LRMDA: variants seen among roughly 807,000 people sequenced by gnomAD.
LRMDA encodes the protein leucine-rich melanocyte differentiation-associated protein.
Under a neutral mutation model 29.8 loss-of-function variants are expected in LRMDA, and 18 were observed. That is an observed-to-expected ratio of 0.60 (90% confidence interval 0.42 to 0.90). The LOEUF is 0.90. Ranked by LOEUF, LRMDA falls within the 40% of genes least tolerant of loss-of-function variation. The pLI is 0.00. For synonymous variants in LRMDA, 125 were observed against 109.4 expected, an observed-to-expected ratio of 1.14 and a Z score of -0.89; for missense variants, 273 against 273.9, an observed-to-expected ratio of 1.00 and a Z score of 0.02.
chr10:76,365,107 T>TATATATATATATATATACATACACAC (rs141131236), intron 6 of LRMDA, among the ~76,000 whole-genome samples: 1 of 61,202 alleles, frequency 1.6e-5, no homozygotes, highest in African/African-American at 4.7e-5. Flanking sequence ...TATATATATA[T>TATATATATATATATATACATACACAC]ACACACACAC....
intron 2 of LRMDA, among the ~76,000 whole-genome samples, chr10:75,478,188 C>A (rs1326908388): frequency 6.6e-6 from 1 of 152,190 alleles, no homozygotes; most frequent in African/African-American, 2.4e-5. Context: ...CAGCTCTCCC[C>A]CAAGATTACA....
intron 6 of LRMDA, among the ~76,000 whole-genome samples, chr10:76,481,902 C>T (rs955260501): frequency 2.6e-5 from 4 of 151,876 alleles, no homozygotes; most frequent in Admixed American, 6.6e-5. Context: ...CTCATTGACT[C>T]GCAAATGTGT....
At chr10:75,761,979 T>G (rs2132228277) in intron 2 of LRMDA, among the ~76,000 whole-genome samples, 1 of 152,176 alleles carries the variant, frequency 6.6e-6, no homozygotes, top group Admixed American at 6.5e-5. Context: ...TTTTAAATAC[T>G]TTTTGTAGAG....
intron 2 of LRMDA, among the ~76,000 whole-genome samples, chr10:75,484,661 G>C (rs1296114756): frequency 1.3e-5 from 2 of 152,142 alleles, no homozygotes; most frequent in Non-Finnish European, 2.9e-5. Flanking sequence ...AGGTCACAAG[G>C]GTGGGGCCTT....
At chr10:75,579,938 A>G (rs545358904) in intron 2 of LRMDA, among the ~76,000 whole-genome samples, 3 of 152,348 alleles carry the variant, frequency 2.0e-5, no homozygotes, top group Non-Finnish European at 2.9e-5. Context: ...AATAAGAGCT[A>G]TTTATGGCAA....
At chr10:76,144,336 C>A (rs1228295734) in intron 5 of LRMDA, among the ~76,000 whole-genome samples, 1 of 152,096 alleles carries the variant, frequency 6.6e-6, no homozygotes. Context: ...TTGGAATGTT[C>A]TTCCATTTGT....
intron 2 of LRMDA, among the ~76,000 whole-genome samples, chr10:75,842,667 G>A (rs1210228675): frequency 6.6e-6 from 1 of 152,126 alleles, no homozygotes; most frequent in Non-Finnish European, 1.5e-5. Context: ...CTTTCAGATG[G>A]GAGCGTGTTT....
At chr10:76,077,191 C>A (rs573694664) in intron 5 of LRMDA, among the ~76,000 whole-genome samples, 1 of 152,332 alleles carries the variant, frequency 6.6e-6, no homozygotes, top group South Asian at 2.1e-4. Context: ...ATGACATATT[C>A]ATGTCCTGGT....
At chr10:76,046,934 T>C (rs567863227) in intron 3 of LRMDA, among the ~76,000 whole-genome samples, 2 of 152,384 alleles carry the variant, frequency 1.3e-5, no homozygotes, top group East Asian at 3.8e-4. Flanking sequence ...TTATTCATTC[T>C]TCCTCAGATG....
At chr10:75,631,405 C>T (rs540159628) in intron 2 of LRMDA, among the ~76,000 whole-genome samples, 5 of 151,870 alleles carry the variant, frequency 3.3e-5, no homozygotes, top group African/African-American at 4.8e-5. Flanking sequence ...CTCACTGCAC[C>T]CCCCCCGCCC....
chr10:76,295,966 C>A (rs2579790), intron 5 of LRMDA, among the ~76,000 whole-genome samples: 77,370 of 151,964 alleles, frequency 0.51, 21,102 homozygotes, highest in Non-Finnish European at 0.63. Context: ...TCACATTTTC[C>A]TGTCTCTTAA....
At chr10:75,788,346 T>C (rs1041348091) in intron 2 of LRMDA, among the ~76,000 whole-genome samples, 3 of 152,272 alleles carry the variant, frequency 2.0e-5, no homozygotes, top group African/African-American at 7.2e-5. Flanking sequence ...CATCTTTAGC[T>C]GTGGCTTTCA....
chr10:76,301,017 C>T (rs900496818), intron 5 of LRMDA, among the ~76,000 whole-genome samples: 1 of 152,110 alleles, frequency 6.6e-6, no homozygotes, highest in Non-Finnish European at 1.5e-5. Flanking sequence ...TGCTTTTGGA[C>T]CAATCAAATT....
At chr10:75,964,854 A>C (rs532144908) in intron 2 of LRMDA, among the ~76,000 whole-genome samples, 1 of 152,166 alleles carries the variant, frequency 6.6e-6, no homozygotes, top group South Asian at 2.1e-4. Flanking sequence ...TGCAACCTCC[A>C]ACTCTCAGGT....
chr10:75,835,983 G>A (rs964956561), intron 2 of LRMDA, among the ~76,000 whole-genome samples: 2 of 152,108 alleles, frequency 1.3e-5, no homozygotes, highest in Non-Finnish European at 2.9e-5. Flanking sequence ...CAAACTCAAT[G>A]GAAAAGCATT....
chr10:75,962,310 C>A (rs78614609), intron 2 of LRMDA, among the ~76,000 whole-genome samples: 6,103 of 152,284 alleles, frequency 0.04, 368 homozygotes, highest in African/African-American at 0.13. Flanking sequence ...TGGACTAGAG[C>A]AGTGGCTTGC....
intron 2 of LRMDA, among the ~76,000 whole-genome samples, chr10:75,531,254 G>T (rs1267402215): frequency 6.6e-6 from 1 of 152,178 alleles, no homozygotes; most frequent in East Asian, 1.9e-4. Context: ...GGCAGAGGGG[G>T]TGGTTAACAC....
chr10:75,998,703 A>C (rs1481459071), intron 2 of LRMDA, among the ~76,000 whole-genome samples: 1 of 152,220 alleles, frequency 6.6e-6, no homozygotes, highest in Non-Finnish European at 1.5e-5. Flanking sequence ...CAGACATTAG[A>C]GATTACTCTC....
chr10:75,904,175 G>C (rs1845722250), intron 2 of LRMDA, among the ~76,000 whole-genome samples: 1 of 152,140 alleles, frequency 6.6e-6, no homozygotes, highest in Non-Finnish European at 1.5e-5. Flanking sequence ...GATAAGTAGG[G>C]AGAGCATACC....
Sources: allele counts gnomAD v4.1 joint callset (sites outside exome capture counted in the v4.1 genomes callset), GRCh38; gene constraint gnomAD v4.1.1; transcripts MANE v1.5; gene names NCBI Gene and HGNC (gene_info 2026-07-23, HGNC 2026-07-21).